The following FAM184A variants were observed in gnomAD, a reference collection of about 807,000 sequenced individuals.
The protein encoded by FAM184A is protein FAM184A.
Under a neutral mutation model 143.8 loss-of-function variants are expected in FAM184A, and 99 were observed. That is an observed-to-expected ratio of 0.69 (90% CI 0.58 to 0.81). The LOEUF (loss-of-function observed/expected upper bound fraction) is 0.81, where lower values mean the gene tolerates loss of function less well. FAM184A is among the 40% of genes least tolerant of loss of function. The probability of loss-of-function intolerance (pLI) is 0.00; values close to 1 mark genes in which losing one functional copy is unlikely to be tolerated. For synonymous variants in FAM184A, 427 were observed against 446.4 expected (o/e 0.96, Z 0.55); for missense variants, 1,217 against 1,310.5 (o/e 0.93, Z 1.10).
At chr6:119,021,422 T>C (rs1379902350) in intron 3 of FAM184A, among the ~76,000 whole-genome samples, 3 of 152,198 alleles carry the variant, frequency 2.0e-5, no homozygotes, top group African/African-American at 7.2e-5. Context: ...CTTTAGTATG[T>C]AAAAATGAAC....
chr6:119,110,483 A>G (rs1175852508), intron 1 of FAM184A, among the ~76,000 whole-genome samples: 1 of 151,714 alleles, frequency 6.6e-6, no homozygotes, highest in African/African-American at 2.4e-5. Context: ...TTTTTTTTTT[A>G]GTTGGGTACA....
At chr6:119,098,570 G>A (rs1212206459) in intron 1 of FAM184A, among the ~76,000 whole-genome samples, 2 of 152,176 alleles carry the variant, frequency 1.3e-5, no homozygotes, top group East Asian at 3.9e-4. Context: ...GAAGTAGCGT[G>A]TTATGGGTCA....
At chr6:118,978,656 G>A (rs574908547) in intron 11 of FAM184A, among the ~76,000 whole-genome samples, 1 of 152,150 alleles carries the variant, frequency 6.6e-6, no homozygotes, top group South Asian at 2.1e-4. Context: ...CTTTCCCTTT[G>A]AGGCCCAAAA....
chr6:119,130,657 TTGGA>T (rs1380857361), intron 1 of FAM184A, among the ~76,000 whole-genome samples: 1 of 152,198 alleles, frequency 6.6e-6, no homozygotes, highest in African/African-American at 2.4e-5. Context: ...CTGCTGCACT[TTGGA>T]AATTTACAAA....
chr6:118,976,210 A>G (rs867152595), intron 11 of FAM184A, among the ~76,000 whole-genome samples, 166 bp from the exon 12 acceptor site: 1 of 152,248 alleles, frequency 6.6e-6, no homozygotes, highest in Non-Finnish European at 1.5e-5. Context: ...TACAGACTAC[A>G]ATATACTATC....
intron 6 of FAM184A, among the ~76,000 whole-genome samples, chr6:119,007,311 A>G (rs1195350965): frequency 1.3e-5 from 2 of 152,210 alleles, no homozygotes; most frequent in Admixed American, 1.3e-4. Flanking sequence ...TTTCTACAAA[A>G]GTTGAAATTG....
At chr6:119,057,274 C>T (rs938825541) in intron 1 of FAM184A, among the ~76,000 whole-genome samples, 1 of 152,206 alleles carries the variant, frequency 6.6e-6, no homozygotes, top group Non-Finnish European at 1.5e-5. Flanking sequence ...AGTGTCTAAG[C>T]AGTGACAATA....
intron 9 of FAM184A, among the ~76,000 whole-genome samples, chr6:118,987,918 TG>T (rs1784243386): frequency 6.6e-6 from 1 of 152,210 alleles, no homozygotes; most frequent in Non-Finnish European, 1.5e-5. Flanking sequence ...AATGAATGAC[TG>T]AAAGTTAGAA....
chr6:118,967,004 T>A (rs1310799967), intron 14 of FAM184A, 52 bp from the exon 15 acceptor site: 5 of 830,556 alleles, frequency 6.0e-6, no homozygotes, highest in Non-Finnish European at 9.6e-6. Flanking sequence ...TACATTCTTC[T>A]GTAATACCTA....
chr6:119,080,172 A>G (rs936939660), upstream of FAM184A, among the ~76,000 whole-genome samples: 8 of 152,244 alleles, frequency 5.3e-5, no homozygotes, highest in African/African-American at 1.9e-4. Flanking sequence ...TTGCTAGGAC[A>G]AAGATATTTT....
At chr6:119,008,584 AT>A (rs926837801) in intron 6 of FAM184A, among the ~76,000 whole-genome samples, 3 of 151,730 alleles carry the variant, frequency 2.0e-5, no homozygotes, top group East Asian at 1.9e-4. Flanking sequence ...GAGTCAATAA[AT>A]TTTTTTTTCT....
chr6:119,022,442 A>G (rs920652976), intron 3 of FAM184A, among the ~76,000 whole-genome samples: 2 of 152,198 alleles, frequency 1.3e-5, no homozygotes, highest in African/African-American at 4.8e-5. Context: ...CAAGTTTTCT[A>G]TAAAAATATA....
chr6:119,054,640 T>C lies in FAM184A; in HGVS notation c.159+23501A>G, dbSNP rs567976624. On this transcript the variant is annotated intron_variant, in intron 1 of 17. Transcript: ENST00000338891. ...AGACAAGAGCAAGAATTTCCTAAAG[T>C]GTGACATAAGAAGGGACTTTAGGTA... is the stretch of plus-strand genomic sequence containing the variant. 2.6e-5 allele frequency among the ~76,000 whole-genome samples: 4 copies of C among 152,332 alleles called. No homozygotes were observed. In the South Asian group the frequency reaches 6.2e-4, roughly 24 times the overall value.
In FAM184A at chr6:119,104,152, T is replaced by C. The variant is rs1003555577; in HGVS notation, c.-202+44926A>G. 3.3e-5 allele frequency among the ~76,000 whole-genome samples: 5 copies of C among 152,164 alleles called. No individual in the cohort carries two copies. In the East Asian group the frequency reaches 9.7e-4, roughly 29 times the overall value. On this transcript the variant is annotated intron_variant, in intron 1 of 16. Coordinates refer to the FAM184A transcript ENST00000352896. ...CCCAGGCTCAAACGATCCTCCCAAG[T>C]ATCTGGGACCACAGGTGCCTGCCAC...
At position 118,960,301 on chromosome 6, in the gene FAM184A, C is replaced by T. The variant is rs914875241; in HGVS notation, c.3342-117G>A. ...ACAACGGGTTCCCCATGTTGTAAGT[C>T]GTGTTTTAAAGATTTGCTACCCCCT... On this transcript the variant is annotated intron_variant, in intron 17 of 17. Coordinates refer to ENST00000338891, the MANE Select transcript of FAM184A (RefSeq NM_024581.6). The T allele has an allele frequency of 1.3e-5, 10 of 775,162 alleles. 1 individual carries two copies. In the East Asian group the frequency reaches 1.3e-4, roughly 10 times the overall value. The allele number at this position is 775,162 out of a possible 1,614,324, so 48.0% of individuals were successfully genotyped here.
At position 119,024,694 on chromosome 6, in the gene FAM184A, C is replaced by A. The variant is rs748799859; in HGVS notation, c.279G>T (p.Gln93His). The change falls in exon 2 of 18, where the codon CAG becomes CAT. Residue 93 changes from glutamine to histidine, a missense_variant. Transcript: ENST00000338891. ...GCTCCTCTGTTACTTTGCTTTTATA[C>A]TGCAATATTTTTTCTCTTGTTTCAG... ...ILAETREKILQYKSKVTEELD... is the reference protein window; with the variant it reads ...ILAETREKILHYKSKVTEELD... 3 of 1,613,860 alleles carry A rather than the reference C, an allele frequency of 1.9e-6. No homozygotes were observed. The South Asian group carries it at 3.3e-5, about 18-fold the overall frequency.
At chr6:119,072,393 T>A (rs1331908595) in intron 1 of FAM184A, among the ~76,000 whole-genome samples, 2 of 152,252 alleles carry the variant, frequency 1.3e-5, no homozygotes, top group Non-Finnish European at 2.9e-5. Flanking sequence ...CATGTACTAG[T>A]GCTAAGGTGA....
intron 1 of FAM184A, among the ~76,000 whole-genome samples, chr6:119,038,658 A>G (rs1010973465): frequency 6.6e-6 from 1 of 152,222 alleles, no homozygotes; most frequent in Non-Finnish European, 1.5e-5. Context: ...AAAATGGGCA[A>G]CCAGCAGCCC....
intron 4 of FAM184A, 64 bp from the exon 5 acceptor site, chr6:119,017,008 T>C (rs1006691728): frequency 4.8e-6 from 5 of 1,038,848 alleles, no homozygotes; most frequent in Non-Finnish European, 7.2e-6. Context: ...TTAGGGTAAT[T>C]TGAATACCCT....
Sources: allele counts gnomAD v4.1 joint callset (sites outside exome capture counted in the v4.1 genomes callset), GRCh38; gene constraint gnomAD v4.1.1; transcripts MANE v1.5; gene names NCBI Gene and HGNC (gene_info 2026-07-23, HGNC 2026-07-21).